Variants in GPC5 observed in about 807,000 individuals in gnomAD.
The protein encoded by GPC5 is glypican-5.
Under a neutral mutation model 53.9 loss-of-function variants are expected in GPC5, and 47 were observed. That is an observed-to-expected ratio of 0.87 (90% CI 0.69 to 1.11). The LOEUF is 1.11. Among genes scored for constraint, GPC5 ranks in the 50% most tolerant of loss-of-function variants. The probability of loss-of-function intolerance (pLI) is 0.00; values close to 1 mark genes in which losing one functional copy is unlikely to be tolerated. For missense variants in GPC5, 748 were observed against 713.1 expected (o/e 1.05, Z -0.56); for synonymous variants, 286 against 263.3 (o/e 1.09, Z -0.84).
intron 7 of GPC5, among the ~76,000 whole-genome samples, chr13:92,651,036 A>G (rs1326829788): frequency 6.6e-6 from 1 of 152,000 alleles, no homozygotes; most frequent in Non-Finnish European, 1.5e-5. Context: ...TGTGCTGAGG[A>G]TGATGGCTTC....
At chr13:92,026,770 G>T (rs2138799685) in intron 6 of GPC5, among the ~76,000 whole-genome samples, 1 of 152,124 alleles carries the variant, frequency 6.6e-6, no homozygotes, top group Non-Finnish European at 1.5e-5. Context: ...TTGGTGGCTA[G>T]ATATATATAG....
chr13:91,505,780 G>A (rs1884906764), intron 2 of GPC5, among the ~76,000 whole-genome samples: 1 of 152,162 alleles, frequency 6.6e-6, no homozygotes, highest in African/African-American at 2.4e-5. Flanking sequence ...GTGTATGGAT[G>A]TAAGATACCA....
intron 5 of GPC5, among the ~76,000 whole-genome samples, chr13:91,881,026 G>C (rs756780371): frequency 6.6e-6 from 1 of 152,104 alleles, no homozygotes; most frequent in Non-Finnish European, 1.5e-5. Context: ...CCTGAACTCA[G>C]GTGATCTGCC....
At chr13:92,087,736 C>T (rs1264571291) in intron 6 of GPC5, among the ~76,000 whole-genome samples, 1 of 152,062 alleles carries the variant, frequency 6.6e-6, no homozygotes, top group East Asian at 1.9e-4. Context: ...TATTGTGTCT[C>T]ATATCTCTGC....
chr13:92,189,169 G>A (rs1367824131), intron 7 of GPC5, among the ~76,000 whole-genome samples: 1 of 152,146 alleles, frequency 6.6e-6, no homozygotes. Context: ...ATCCCTTTAT[G>A]TTTCCAGCAG....
chr13:91,925,789 A>G (rs1353732163), intron 6 of GPC5, among the ~76,000 whole-genome samples: 1 of 152,192 alleles, frequency 6.6e-6, no homozygotes. Context: ...TGTAGGTTTC[A>G]TAGTTTATAG....
intron 2 of GPC5, among the ~76,000 whole-genome samples, chr13:91,603,083 G>A (rs927722681): frequency 1.3e-5 from 2 of 152,188 alleles, no homozygotes; most frequent in African/African-American, 4.8e-5. Flanking sequence ...TGTGAGAAAA[G>A]GATTCTGAGA....
chr13:91,984,697 C>A (rs1489022078), intron 6 of GPC5, among the ~76,000 whole-genome samples: 1 of 152,048 alleles, frequency 6.6e-6, no homozygotes, highest in East Asian at 1.9e-4. Context: ...TCAATATTTT[C>A]TTTTGTAAAG....
At chr13:91,710,540 G>A (rs1329369353) in intron 3 of GPC5, among the ~76,000 whole-genome samples, 1 of 152,206 alleles carries the variant, frequency 6.6e-6, no homozygotes, top group African/African-American at 2.4e-5. Context: ...TGGTAGAGGT[G>A]TATATAATCT....
At chr13:92,503,226 C>T (rs1053447221) in intron 7 of GPC5, among the ~76,000 whole-genome samples, 1 of 151,796 alleles carries the variant, frequency 6.6e-6, no homozygotes, top group African/African-American at 2.4e-5. Flanking sequence ...CATTCCTTAC[C>T]TCCCTCCTAC....
intron 7 of GPC5, among the ~76,000 whole-genome samples, chr13:92,470,080 G>T (rs556157525): frequency 2.6e-4 from 39 of 152,172 alleles, no homozygotes; most frequent in African/African-American, 7.5e-4. Context: ...TTTTTAAAAG[G>T]TAATTTTCCC....
At chr13:91,934,010 A>G (rs916942081) in intron 6 of GPC5, among the ~76,000 whole-genome samples, 1 of 151,888 alleles carries the variant, frequency 6.6e-6, no homozygotes, top group Non-Finnish European at 1.5e-5. Context: ...CCTCTCAAAT[A>G]CCTGAGCTAT....
intron 6 of GPC5, among the ~76,000 whole-genome samples, chr13:92,031,860 T>TGTA (rs1372635395): frequency 8.6e-4 from 85 of 99,090 alleles, no homozygotes; most frequent in Admixed American, 1.4e-3. Flanking sequence ...ATATATAATA[T>TGTA]ATATATTATA....
At chr13:91,877,018 C>G (rs2039210479) in intron 5 of GPC5, among the ~76,000 whole-genome samples, 2 of 152,208 alleles carry the variant, frequency 1.3e-5, no homozygotes, top group South Asian at 4.1e-4. Context: ...AGCCCCAAGC[C>G]TTGGCAGCTT....
intron 1 of GPC5, among the ~76,000 whole-genome samples, chr13:91,428,100 C>T (rs9589228): frequency 0.14 from 21,611 of 152,092 alleles, 2,392 homozygotes; most frequent in African/African-American, 0.31. Context: ...AATGGACTAA[C>T]ACAATGTGTT....
chr13:92,164,234 A>C (rs57137722), intron 7 of GPC5, among the ~76,000 whole-genome samples: 1,827 of 152,206 alleles, frequency 0.012, 54 homozygotes, highest in African/African-American at 0.041. Flanking sequence ...CCAACATCTT[A>C]GCTCACTCCA....
At position 92,757,223 on chromosome 13, in the gene GPC5, A is replaced by C. The variant is rs540513478; in HGVS notation, c.1562-109059A>C. On this transcript the variant is annotated intron_variant, in intron 7 of 7. Transcript: ENST00000377067. Reference sequence around the variant, plus strand: ...CTTTGAGAAACCTGACAAAAACAAGAAATGGGGAAAGGATTCGTATTTAAT... The same window carrying C: ...CTTTGAGAAACCTGACAAAAACAAGCAATGGGGAAAGGATTCGTATTTAAT... 1.4e-3 allele frequency among the ~76,000 whole-genome samples: 212 copies of C among 152,324 alleles called. 1 individual carries two copies. Among genetic ancestry groups the C allele is most frequent in the African/African-American group, 4.9e-3 (205 of 41,576 alleles).
intron 5 of GPC5, among the ~76,000 whole-genome samples, chr13:91,792,009 T>G (rs749639472): frequency 3.3e-5 from 5 of 152,236 alleles, no homozygotes; most frequent in Non-Finnish European, 5.9e-5. Context: ...ACTTTCTTCT[T>G]TCATAACGAA....
chr13:92,184,314 T>C (rs1159411874), intron 7 of GPC5, among the ~76,000 whole-genome samples: 4 of 152,164 alleles, frequency 2.6e-5, no homozygotes, highest in African/African-American at 4.8e-5. Flanking sequence ...TCAAAATCTA[T>C]TTTAAAAATC....
Sources: allele counts gnomAD v4.1 joint callset (sites outside exome capture counted in the v4.1 genomes callset), GRCh38; gene constraint gnomAD v4.1.1; transcripts MANE v1.5; gene names NCBI Gene and HGNC (gene_info 2026-07-23, HGNC 2026-07-21).